MBD5: variants seen among roughly 807,000 people sequenced by gnomAD.
MBD5 encodes methyl-CpG binding domain protein 5.
A neutral mutation model predicts 117.3 loss-of-function variants in MBD5; 13 were observed. The observed-to-expected ratio is 0.11, with a 90% CI of 0.07 to 0.18. The LOEUF is 0.18. MBD5 is among the 10% of genes least tolerant of loss of function. MBD5 has a pLI of 1.00. For missense variants in MBD5, 1,879 were observed against 2,093.8 expected, an observed-to-expected ratio of 0.90 and a Z score of 2.00; for synonymous variants, 727 against 766.4, an observed-to-expected ratio of 0.95 and a Z score of 0.85.
At chr2:148,201,987 G>T (rs1214183777) in intron 2 of MBD5, among the ~76,000 whole-genome samples, 1 of 152,162 alleles carries the variant, frequency 6.6e-6, no homozygotes, top group Non-Finnish European at 1.5e-5. Context: ...TCTCAGTCCG[G>T]TCCTTGGATT....
intron 12 of MBD5, 54 bp from the exon 13 acceptor site, chr2:148,510,006 T>G: frequency 7.4e-7 from 1 of 1,351,294 alleles, no homozygotes; most frequent in Non-Finnish European, 1.1e-6. Flanking sequence ...GAAATTAAAT[T>G]GAGTTTTGTT....
At chr2:148,061,115 T>C (rs1263310869) in intron 1 of MBD5, among the ~76,000 whole-genome samples, 2 of 152,164 alleles carry the variant, frequency 1.3e-5, no homozygotes, top group Non-Finnish European at 2.9e-5. Flanking sequence ...TTACTGATTT[T>C]TTATTTTTTT....
chr2:148,330,115 A>ACACACACACACT (rs148068244), intron 3 of MBD5, among the ~76,000 whole-genome samples: 5 of 127,522 alleles, frequency 3.9e-5, no homozygotes, highest in Admixed American at 9.1e-5. Flanking sequence ...ACACACACAC[A>ACACACACACACT]CACTCTACCT....
intron 4 of MBD5, among the ~76,000 whole-genome samples, chr2:148,380,598 A>G (rs551776723): frequency 2.0e-4 from 31 of 152,196 alleles, no homozygotes; most frequent in Non-Finnish European, 3.7e-4. Flanking sequence ...CTTGCATTAG[A>G]AAAAGGACAG....
intron 1 of MBD5, among the ~76,000 whole-genome samples, chr2:148,059,573 C>T (rs971891024): frequency 5.3e-5 from 8 of 152,096 alleles, no homozygotes; most frequent in Non-Finnish European, 1.2e-4. Flanking sequence ...GGAGGCCGGG[C>T]GCGGTGGTTC....
chr2:148,293,790 C>T (rs1370967364), intron 3 of MBD5, among the ~76,000 whole-genome samples: 1 of 152,046 alleles, frequency 6.6e-6, no homozygotes, highest in African/African-American at 2.4e-5. Flanking sequence ...TGAGGAAGTG[C>T]CCTTCTACTT....
chr2:148,369,301 T>G (rs1326544412), intron 4 of MBD5, among the ~76,000 whole-genome samples: 12 of 152,028 alleles, frequency 7.9e-5, no homozygotes, highest in Non-Finnish European at 1.3e-4. Context: ...GGCCTAGGGT[T>G]TTTTTTCAAT....
chr2:148,487,818 G>A (rs189560452), intron 10 of MBD5, among the ~76,000 whole-genome samples: 3 of 152,240 alleles, frequency 2.0e-5, no homozygotes, highest in African/African-American at 4.8e-5. Context: ...ATCTGTATAC[G>A]TATTCCATAA....
intron 4 of MBD5, among the ~76,000 whole-genome samples, chr2:148,349,310 A>G (rs1395812136): frequency 6.6e-6 from 1 of 151,958 alleles, no homozygotes; most frequent in Non-Finnish European, 1.5e-5. Flanking sequence ...TGATGGAGTT[A>G]TGAATTAATA....
At chr2:148,425,917 A>C (rs565936395) in intron 4 of MBD5, among the ~76,000 whole-genome samples, 175 of 151,724 alleles carry the variant, frequency 1.2e-3, no homozygotes, top group African/African-American at 4.1e-3. Flanking sequence ...ATGTCAGCCC[A>C]AAATCTCCTT....
In MBD5 at chr2:148,148,535, T is replaced by G. The variant is rs189991750; in HGVS notation, c.-924-30165T>G. Among the ~76,000 whole-genome samples, 191 of 152,390 alleles carry G rather than the reference T, an allele frequency of 1.3e-3. 1 individual carries two copies. Among genetic ancestry groups the G allele is most frequent in the South Asian group, 8.1e-3 (39 of 4,834 alleles). The stretch of plus-strand genomic sequence containing the variant: ...TTTTGACAATGTTTGCCAGTGTTAT[T>G]ACCTCAAAGTTTCTAATTCAATAAA... On this transcript the variant is annotated intron_variant, in intron 1 of 13. Coordinates refer to ENST00000642680, the MANE Select transcript of MBD5 (RefSeq NM_001378120.1).
At chr2:148,416,258 G>A (rs1046915448) in intron 4 of MBD5, among the ~76,000 whole-genome samples, 15 of 152,206 alleles carry the variant, frequency 9.9e-5, no homozygotes, top group Admixed American at 7.2e-4. Flanking sequence ...TGGGCTGCAT[G>A]CTGTAACTTT....
intron 4 of MBD5, among the ~76,000 whole-genome samples, chr2:148,431,996 C>G (rs1050772902): frequency 6.7e-6 from 1 of 149,000 alleles, no homozygotes; most frequent in South Asian, 2.1e-4. Context: ...TTTATACTCC[C>G]GTTAGCACTC....
chr2:148,205,028 A>G (rs1699242045), intron 2 of MBD5, among the ~76,000 whole-genome samples: 1 of 151,906 alleles, frequency 6.6e-6, no homozygotes. Context: ...TACCACTTCT[A>G]CCTGTTTTCT....
intron 1 of MBD5, among the ~76,000 whole-genome samples, chr2:148,023,050 A>G (rs1693804733): frequency 6.6e-6 from 1 of 150,552 alleles, no homozygotes; most frequent in Non-Finnish European, 1.5e-5. Context: ...ATGCATATAC[A>G]CACACTCTCT....
intron 1 of MBD5, among the ~76,000 whole-genome samples, chr2:148,102,721 CACACACACAGAG>C (rs1411221250): frequency 9.7e-4 from 88 of 90,936 alleles, no homozygotes; most frequent in African/African-American, 2.3e-3. Context: ...CACACACACA[CACACACACAGAG>C]AGAGAGAGAG....
intron 3 of MBD5, among the ~76,000 whole-genome samples, chr2:148,242,264 A>AT (rs1351347252): frequency 6.6e-6 from 1 of 152,074 alleles, no homozygotes; most frequent in Non-Finnish European, 1.5e-5. Context: ...ATATTACTAT[A>AT]TGGGATGAAT....
chr2:148,152,271 G>C (rs1017880614), intron 1 of MBD5, among the ~76,000 whole-genome samples: 3 of 152,044 alleles, frequency 2.0e-5, no homozygotes, highest in African/African-American at 7.2e-5. Flanking sequence ...TCTTAATCCT[G>C]AGTTCTAGTT....
chr2:148,308,491 C>CTTTTTTTTTT (rs60650324), intron 3 of MBD5, among the ~76,000 whole-genome samples: 2 of 66,772 alleles, frequency 3.0e-5, no homozygotes, highest in Non-Finnish European at 6.1e-5. Context: ...GGGGTTCTTT[C>CTTTTTTTTTT]TTTTTTTTTT....
Sources: gnomAD v4.1 joint callset for allele counts (sites outside exome capture counted in the v4.1 genomes callset) on GRCh38, gnomAD v4.1.1 for gene constraint, MANE v1.5 for transcripts, NCBI Gene and HGNC (gene_info 2026-07-23, HGNC 2026-07-21) for gene names.